Variants in MAP2K4 observed in about 807,000 individuals in gnomAD.
The protein encoded by MAP2K4 is dual specificity mitogen-activated protein kinase kinase 4.
In MAP2K4, 4 loss-of-function variants were observed where a neutral mutation model predicts 48.5. The ratio of observed to expected loss-of-function variants is 0.08; its 90% confidence interval spans 0.04 to 0.19. MAP2K4 has a LOEUF of 0.19. MAP2K4 is among the 10% of genes least tolerant of loss of function. MAP2K4 has a pLI of 1.00. For missense variants in MAP2K4, 258 were observed against 493.3 expected (o/e 0.52, Z 4.52); for synonymous variants, 166 against 173.1 (o/e 0.96, Z 0.32).
chr17:12,045,400 C>T (rs1402978553), intron 1 of MAP2K4, among the ~76,000 whole-genome samples: 1 of 152,152 alleles, frequency 6.6e-6, no homozygotes, highest in African/African-American at 2.4e-5. Context: ...TGCTAGGGTT[C>T]AAGCAAGCTG....
chr17:12,066,729 G>A (rs1046169449), intron 2 of MAP2K4, among the ~76,000 whole-genome samples: 1 of 151,932 alleles, frequency 6.6e-6, no homozygotes, highest in Non-Finnish European at 1.5e-5. Context: ...TCGTTCTGTC[G>A]CCCAGGCGGG....
intron 2 of MAP2K4, among the ~76,000 whole-genome samples, chr17:12,074,648 G>T (rs752487639): frequency 6.6e-6 from 1 of 152,096 alleles, no homozygotes; most frequent in African/African-American, 2.4e-5. Flanking sequence ...GATCAAGGAG[G>T]GCCCTCTGCA....
At chr17:12,115,809 C>CTGCTGACA in intron 7 of MAP2K4, 1 of 728,952 alleles carries the variant, frequency 1.4e-6, no homozygotes, top group South Asian at 1.3e-5. Context: ...TGGGACAGCT[C>CTGCTGACA]TGCTGACAGG....
intron 2 of MAP2K4, among the ~76,000 whole-genome samples, chr17:12,057,977 G>T (rs900438089): frequency 4.0e-5 from 6 of 149,122 alleles, no homozygotes; most frequent in Admixed American, 4.0e-4. Context: ...TTCATGTCTT[G>T]TTCTTGATTG....
chr17:12,102,238 A>G (rs768710123), intron 4 of MAP2K4, among the ~76,000 whole-genome samples: 10 of 152,018 alleles, frequency 6.6e-5, no homozygotes, highest in African/African-American at 2.4e-4. Flanking sequence ...ATTTTTGTCA[A>G]ATTCTTTTTC....
intron 1 of MAP2K4, 73 bp downstream of exon 1, chr17:12,021,074 G>A: frequency 3.4e-6 from 3 of 888,102 alleles, no homozygotes; most frequent in Non-Finnish European, 4.4e-6. Context: ...CTGCCCCAGC[G>A]GACGCCCCCG....
intron 2 of MAP2K4, among the ~76,000 whole-genome samples, chr17:12,066,598 C>G (rs1249581165): frequency 6.6e-6 from 1 of 152,178 alleles, no homozygotes; most frequent in Non-Finnish European, 1.5e-5. Flanking sequence ...AGTGCAATCT[C>G]AGCTCACCGC....
intron 2 of MAP2K4, among the ~76,000 whole-genome samples, chr17:12,058,109 C>T (rs1195688550): frequency 6.6e-6 from 1 of 151,938 alleles, no homozygotes; most frequent in Non-Finnish European, 1.5e-5. Flanking sequence ...ATTAGTAGAG[C>T]CAAAATTCAC....
chr17:12,031,501 GAA>G (rs1045072065), intron 1 of MAP2K4, among the ~76,000 whole-genome samples: 4 of 152,176 alleles, frequency 2.6e-5, no homozygotes, highest in African/African-American at 9.7e-5. Context: ...AGGGGTGAAA[GAA>G]TATTTTGTGA....
intron 2 of MAP2K4, among the ~76,000 whole-genome samples, chr17:12,069,136 T>TCTAATGTTCTGAGAATG (rs1300953601): frequency 6.6e-6 from 1 of 152,164 alleles, no homozygotes; most frequent in African/African-American, 2.4e-5. Flanking sequence ...GTTGGCTATG[T>TCTAATGTTCTGAGAATG]CTAATGTTCT....
intron 4 of MAP2K4, among the ~76,000 whole-genome samples, chr17:12,104,332 T>C (rs1183732983): frequency 6.6e-6 from 1 of 152,084 alleles, no homozygotes; most frequent in East Asian, 1.9e-4. Context: ...TTCTATACTT[T>C]AAAGACTGGG....
At chr17:12,102,341 T>C (rs1454863222) in intron 4 of MAP2K4, among the ~76,000 whole-genome samples, 1 of 152,266 alleles carries the variant, frequency 6.6e-6, no homozygotes, top group East Asian at 1.9e-4. Flanking sequence ...AAACATAGCT[T>C]TTATTTCTGG....
chr17:12,021,254 A>G, intron 1 of MAP2K4: 1 of 275,174 alleles, frequency 3.6e-6, no homozygotes, highest in Non-Finnish European at 6.8e-6. Flanking sequence ...CCGGGCTCTC[A>G]GCAGGCCCGC....
At chr17:12,061,153 C>G (rs1332632247) in intron 2 of MAP2K4, among the ~76,000 whole-genome samples, 1 of 152,124 alleles carries the variant, frequency 6.6e-6, no homozygotes, top group African/African-American at 2.4e-5. Context: ...TTTCTCCACC[C>G]TTCTTTTTAA....
At chr17:12,044,579 A>G (rs1036068452) in intron 1 of MAP2K4, among the ~76,000 whole-genome samples, 14 of 152,376 alleles carry the variant, frequency 9.2e-5, no homozygotes, top group Admixed American at 5.2e-4. Context: ...CTTTCACACC[A>G]TACAACAATC....
chr17:12,075,854 T>C (rs914695785), intron 2 of MAP2K4, among the ~76,000 whole-genome samples: 4 of 152,208 alleles, frequency 2.6e-5, no homozygotes, highest in African/African-American at 7.2e-5. Flanking sequence ...GTAGGTATAA[T>C]ATGCTGTTTT....
At chr17:12,021,172 G>C (rs1446808520) in intron 1 of MAP2K4, among the ~76,000 whole-genome samples, 171 bp downstream of exon 1, 1 of 151,582 alleles carries the variant, frequency 6.6e-6, no homozygotes, top group African/African-American at 2.4e-5. Flanking sequence ...CCTCCGGCCC[G>C]GCTTGGATCC....
At chr17:12,085,283 T>A (rs1439404154) in intron 3 of MAP2K4, among the ~76,000 whole-genome samples, 1 of 151,984 alleles carries the variant, frequency 6.6e-6, no homozygotes, top group Non-Finnish European at 1.5e-5. Context: ...GTGTGAAGGG[T>A]TAATACTGTA....
chr17:12,060,149 A>G (rs1221677470), intron 2 of MAP2K4, among the ~76,000 whole-genome samples: 2 of 151,750 alleles, frequency 1.3e-5, no homozygotes, highest in Non-Finnish European at 2.9e-5. Flanking sequence ...CCTGTGTAAG[A>G]GTTGAGACTC....
Sources: gnomAD v4.1 joint callset for allele counts (sites outside exome capture counted in the v4.1 genomes callset) on GRCh38, gnomAD v4.1.1 for gene constraint, MANE v1.5 for transcripts, NCBI Gene and HGNC (gene_info 2026-07-23, HGNC 2026-07-21) for gene names.